The following DYNC1I2 variants were observed in gnomAD, a reference collection of about 807,000 sequenced individuals.
DYNC1I2 encodes cytoplasmic dynein 1 intermediate chain 2.
DYNC1I2 carries 53 observed loss-of-function variants against 88.6 expected under a neutral mutation model. The observed-to-expected ratio is 0.60, with a 90% confidence interval of 0.48 to 0.75. The LOEUF (loss-of-function observed/expected upper bound fraction) is 0.75, where lower values mean the gene tolerates loss of function less well. Among genes scored for constraint, DYNC1I2 ranks in the 30% least tolerant of loss-of-function variants. The pLI, the probability that DYNC1I2 is intolerant of heterozygous loss-of-function variation, is 0.00. For synonymous variants in DYNC1I2, 198 were observed against 254.6 expected, an observed-to-expected ratio of 0.78 and a Z score of 2.12; for missense variants, 458 against 766.6, an observed-to-expected ratio of 0.60 and a Z score of 4.75.
At chr2:171,690,442 T>A (rs1270689693) in intron 2 of DYNC1I2, among the ~76,000 whole-genome samples, 179 bp downstream of exon 2, 1 of 152,200 alleles carries the variant, frequency 6.6e-6, no homozygotes, top group Non-Finnish European at 1.5e-5. Flanking sequence ...CTAGCAGTTC[T>A]GACTGCAGAC....
At chr2:171,689,844 A>G (rs1685250526) in intron 1 of DYNC1I2, among the ~76,000 whole-genome samples, 1 of 150,112 alleles carries the variant, frequency 6.7e-6, no homozygotes, top group South Asian at 2.1e-4. Context: ...GACTACAGGC[A>G]CATGCCACCA....
rs746910264 is a variant in DYNC1I2, at chr2:171,725,598, G to GT, written c.512-4dup. On this transcript the variant is annotated intron_variant, in intron 7 of 17. Transcript: ENST00000397119. The stretch of plus-strand genomic sequence containing the variant: ...ATTCTGTTTTTTTGTTTTTTTGTTT[G>GT]TTTTTTTTTTTTTTTTCAGATGAAG... 0.15 allele frequency: 129,236 copies of GT among 875,940 alleles called. 3,314 individuals carry two copies. The highest frequency in any genetic ancestry group is 0.18 in the Middle Eastern group (449 of 2,434). 54.3% of individuals were successfully genotyped at this position (875,940 alleles called of 1,614,324 possible).
chr2:171,747,724 TA>T, intron 17 of DYNC1I2, 51 bp from the exon 18 acceptor site: 2 of 1,303,574 alleles, frequency 1.5e-6, no homozygotes, highest in Non-Finnish European at 2.2e-6. Flanking sequence ...TAATAGTGGG[TA>T]AAATGATCTT....
intron 5 of DYNC1I2, among the ~76,000 whole-genome samples, chr2:171,711,377 C>T (rs970217381): frequency 3.9e-5 from 6 of 151,994 alleles, no homozygotes; most frequent in Admixed American, 3.9e-4. Flanking sequence ...TGAAGATGCC[C>T]CTAATAAATG....
At chr2:171,715,573 CATG>C (rs1488573566) in intron 7 of DYNC1I2, 130 bp downstream of exon 7, 7 of 591,342 alleles carry the variant, frequency 1.2e-5, no homozygotes, top group Non-Finnish European at 2.0e-5. Context: ...CTTAGGGAAA[CATG>C]AGAAAACTAA....
chr2:171,689,602 A>G (rs753659646), intron 1 of DYNC1I2, among the ~76,000 whole-genome samples: 12 of 152,218 alleles, frequency 7.9e-5, no homozygotes, highest in Non-Finnish European at 1.5e-4. Context: ...TGCGAACATT[A>G]AAGTGCTTAC....
In DYNC1I2 at chr2:171,725,603, T is replaced by G. The variant is rs548020821; in HGVS notation, c.512-15T>G. The G allele has an allele frequency of 1.1e-3, 1,488 of 1,379,048 alleles. 15 individuals carry two copies. Among genetic ancestry groups the G allele is most frequent in the Middle Eastern group, 6.2e-3 (24 of 3,878 alleles). The allele number at this position is 1,379,048 out of a possible 1,614,324, so 85.4% of individuals were successfully genotyped here. A position where few individuals can be genotyped will look rare whatever the true frequency, so the allele number is the denominator to read the frequency against. On this transcript the variant is annotated splice_polypyrimidine_tract_variant and intron_variant, in intron 7 of 17. Coordinates refer to ENST00000397119, the MANE Select transcript of DYNC1I2 (RefSeq NM_001378.3). Reference sequence around the variant, plus strand: ...GTTTTTTTGTTTTTTTGTTTGTTTTTTTTTTTTTTTTCAGATGAAGAGGAA... The same window carrying G: ...GTTTTTTTGTTTTTTTGTTTGTTTTGTTTTTTTTTTTCAGATGAAGAGGAA...
rs761323885 is a variant in DYNC1I2, at chr2:171,749,746, A to AT, written c.*1858dup. Among the ~76,000 whole-genome samples the AT allele has an allele frequency of 3.3e-5, 5 of 152,262 alleles. No homozygotes were observed. The highest frequency in any genetic ancestry group is 2.0e-4 in the Admixed American group (3 of 15,290). ...CTCCCCTACTCCCCCAGAAAATGCGATGTATACCTTTGCCCATTCAACTTT... is the reference window on the plus strand; with the variant it reads ...CTCCCCTACTCCCCCAGAAAATGCGATTGTATACCTTTGCCCATTCAACTTT... On this transcript the variant is annotated 3_prime_UTR_variant, in exon 18 of 18. Transcript: ENST00000397119.
In DYNC1I2 at chr2:171,747,766, CT is replaced by C. The variant is rs778474954; in HGVS notation, c.1804-6del. 11 of 1,583,976 alleles carry C rather than the reference CT, an allele frequency of 6.9e-6. No homozygotes were observed. In the East Asian group the frequency reaches 2.5e-4, roughly 36 times the overall value. ...TCATTGTATATAAAACATTGTCTTT[CT>C]TTTAACAGCAGATTGCTGTTCCCCG... On this transcript the variant is annotated splice_polypyrimidine_tract_variant and intron_variant, in intron 17 of 17. Transcript: ENST00000397119.
In DYNC1I2 at chr2:171,728,700, C is replaced by T. The variant is rs1208343752; in HGVS notation, c.1258-17C>T. On this transcript the variant is annotated splice_polypyrimidine_tract_variant and intron_variant, in intron 13 of 17. Coordinates refer to ENST00000397119, the MANE Select transcript of DYNC1I2 (RefSeq NM_001378.3). ...TTGCAAGTTTACAAACTAATTTTCTCAGGTTTTTCTATGTAGGATAGCATG... is the reference window on the plus strand; with the variant it reads ...TTGCAAGTTTACAAACTAATTTTCTTAGGTTTTTCTATGTAGGATAGCATG... The T allele has an allele frequency of 3.9e-6, 6 of 1,528,210 alleles. No homozygotes were observed. The highest frequency in any genetic ancestry group is 2.3e-4 in the Middle Eastern group (1 of 4,268). 94.7% of individuals were successfully genotyped at this position (1,528,210 alleles called of 1,614,324 possible).
intron 3 of DYNC1I2, among the ~76,000 whole-genome samples, chr2:171,694,264 T>C (rs1574502523): frequency 6.6e-6 from 1 of 152,196 alleles, no homozygotes. Flanking sequence ...CTCGAACTCC[T>C]GACCTCATGA....
rs111566680 is a variant in DYNC1I2 at position 171,707,649 on chromosome 2, T to C, written c.335+272T>C. On this transcript the variant is annotated intron_variant, in intron 5 of 17. Transcript: ENST00000397119. Reference sequence around the variant, plus strand: ...TTATTTTATATTAAAAATAGAGATATTAATGCTTTTAGATTTTTCTGTTTA... The same window carrying C: ...TTATTTTATATTAAAAATAGAGATACTAATGCTTTTAGATTTTTCTGTTTA... Among the ~76,000 whole-genome samples the C allele has an allele frequency of 5.3e-3, 810 of 152,318 alleles. 5 individuals carry two copies. The highest frequency in any genetic ancestry group is 0.016 in the African/African-American group (680 of 41,576).
chr2:171,706,164 T>C (rs373114220), intron 3 of DYNC1I2, among the ~76,000 whole-genome samples: 27 of 152,170 alleles, frequency 1.8e-4, no homozygotes, highest in East Asian at 7.7e-4. Flanking sequence ...CTTTAGTTCC[T>C]ATATAACTAG....
In DYNC1I2 at chr2:171,726,311, AGGCCGCTC is replaced by A; in HGVS notation, c.870+19_870+26del. On this transcript the variant is annotated intron_variant, in intron 10 of 17. Coordinates refer to ENST00000397119, the MANE Select transcript of DYNC1I2 (RefSeq NM_001378.3). Reference sequence around the variant, plus strand: ...CATCTCAGGTAAAATATAACAAAATAGGCCGCTCTTAACTCATTTTTAAAATTATAATT... The same window carrying A: ...CATCTCAGGTAAAATATAACAAAATATTAACTCATTTTTAAAATTATAATT... 1 of 1,547,442 alleles carries A rather than the reference AGGCCGCTC, an allele frequency of 6.5e-7. No individual in the cohort carries two copies. The highest frequency in any genetic ancestry group is 8.8e-7 in the Non-Finnish European group (1 of 1,132,480).
At chr2:171,725,546 A>G (rs1688178892) in intron 7 of DYNC1I2, 72 bp from the exon 8 acceptor site, 2 of 991,764 alleles carry the variant, frequency 2.0e-6, no homozygotes, top group African/African-American at 1.8e-5. Flanking sequence ...GTTACCAGCT[A>G]TTTTCATTAA....
At chr2:171,736,653 TGAA>T (rs1689029080) in intron 15 of DYNC1I2, among the ~76,000 whole-genome samples, 1 of 152,230 alleles carries the variant, frequency 6.6e-6, no homozygotes, top group African/African-American at 2.4e-5. Context: ...GGACGATGCT[TGAA>T]TGGGTACTGT....
At chr2:171,691,606 G>A (rs1327944949) in intron 2 of DYNC1I2, among the ~76,000 whole-genome samples, 3 of 152,166 alleles carry the variant, frequency 2.0e-5, no homozygotes, top group Non-Finnish European at 4.4e-5. Context: ...ATTATAAGAG[G>A]ATTGGAGCTT....
intron 15 of DYNC1I2, among the ~76,000 whole-genome samples, chr2:171,734,563 C>A (rs1242495952): frequency 1.3e-5 from 2 of 152,194 alleles, no homozygotes; most frequent in East Asian, 1.9e-4. Flanking sequence ...CTGCCCCCAA[C>A]ATCCCTCCAG....
chr2:171,706,980 AGTGGCCACATTT>A, intron 4 of DYNC1I2: 2 of 482,368 alleles, frequency 4.1e-6, no homozygotes. Context: ...TTTGAAAATT[AGTGGCCACATTT>A]GGTGATGGAT....
Sources: gnomAD v4.1 joint callset for allele counts (sites outside exome capture counted in the v4.1 genomes callset) on GRCh38, gnomAD v4.1.1 for gene constraint, MANE v1.5 for transcripts, NCBI Gene and HGNC (gene_info 2026-07-23, HGNC 2026-07-21) for gene names.